Variants in EGFLAM observed in about 807,000 individuals in gnomAD.
EGFLAM encodes pikachurin.
EGFLAM carries 79 observed loss-of-function variants against 113.1 expected under a neutral mutation model. That is an observed-to-expected ratio of 0.70 (90% CI 0.58 to 0.84). The LOEUF is 0.84. EGFLAM is among the 40% of genes least tolerant of loss of function. The probability of loss-of-function intolerance (pLI) is 0.00; values close to 1 mark genes in which losing one functional copy is unlikely to be tolerated. For missense variants in EGFLAM, 1,265 were observed against 1,291.6 expected, an observed-to-expected ratio of 0.98 and a Z score of 0.32; for synonymous variants, 504 against 487.6, an observed-to-expected ratio of 1.03 and a Z score of -0.44.
At chr5:38,325,952 A>T (rs2111908385) in intron 1 of EGFLAM, among the ~76,000 whole-genome samples, 1 of 151,998 alleles carries the variant, frequency 6.6e-6, no homozygotes, top group East Asian at 1.9e-4. Context: ...TATTATGTTT[A>T]CGTATATATT....
intron 17 of EGFLAM, among the ~76,000 whole-genome samples, chr5:38,438,934 G>A (rs1168042560): frequency 1.3e-5 from 2 of 152,208 alleles, no homozygotes; most frequent in Non-Finnish European, 2.9e-5. Flanking sequence ...CCAAACTAAA[G>A]TATGCATAAC....
chr5:38,380,723 A>T (rs1740488529), intron 6 of EGFLAM, among the ~76,000 whole-genome samples: 1 of 152,230 alleles, frequency 6.6e-6, no homozygotes, highest in Non-Finnish European at 1.5e-5. Context: ...GACTCCATGC[A>T]TGTAAATCTG....
intron 1 of EGFLAM, among the ~76,000 whole-genome samples, chr5:38,268,011 C>T (rs1757674528): frequency 6.6e-6 from 1 of 152,138 alleles, no homozygotes; most frequent in South Asian, 2.1e-4. Flanking sequence ...TTTCGAGTGG[C>T]TGAATACAGC....
At chr5:38,311,823 G>A (rs1738452550) in intron 1 of EGFLAM, among the ~76,000 whole-genome samples, 1 of 152,208 alleles carries the variant, frequency 6.6e-6, no homozygotes, top group East Asian at 1.9e-4. Context: ...AATGGTTACA[G>A]GAGGTCCTTG....
intron 6 of EGFLAM, among the ~76,000 whole-genome samples, chr5:38,393,272 A>G (rs1022246670): frequency 6.6e-6 from 1 of 152,226 alleles, no homozygotes; most frequent in Non-Finnish European, 1.5e-5. Context: ...AGAGTCTTTT[A>G]GTGTACTTTA....
At chr5:38,401,370 A>G (rs1390708175) in intron 6 of EGFLAM, 1 of 152,236 alleles carries the variant, frequency 6.6e-6, no homozygotes, top group Non-Finnish European at 1.5e-5. Flanking sequence ...ACATTGAACT[A>G]GAGTCATATT....
intron 10 of EGFLAM, among the ~76,000 whole-genome samples, chr5:38,411,483 C>CTTTTTTTTTTTTTT (rs759299989): frequency 8.8e-6 from 1 of 113,418 alleles, no homozygotes; most frequent in Non-Finnish European, 1.7e-5. Flanking sequence ...TCATTAATTT[C>CTTTTTTTTTTTTTT]TTTTTTTTTT....
chr5:38,417,061 A>C (rs1741664712), intron 11 of EGFLAM, among the ~76,000 whole-genome samples: 1 of 152,136 alleles, frequency 6.6e-6, no homozygotes, highest in African/African-American at 2.4e-5. Context: ...TCATAAAAAA[A>C]AGAATGACCA....
At chr5:38,459,348 T>G (rs967766082) in intron 20 of EGFLAM, among the ~76,000 whole-genome samples, 5 of 152,110 alleles carry the variant, frequency 3.3e-5, no homozygotes, top group South Asian at 2.1e-4. Context: ...AGAACCTGAC[T>G]GTATTTCACT....
chr5:38,443,480 C>T (rs992169597), intron 17 of EGFLAM, among the ~76,000 whole-genome samples: 2 of 152,112 alleles, frequency 1.3e-5, no homozygotes, highest in Admixed American at 6.5e-5. Flanking sequence ...AGTTGAAGGG[C>T]TGCTAGTTTA....
intron 17 of EGFLAM, among the ~76,000 whole-genome samples, chr5:38,445,054 C>T (rs1043158638): frequency 6.6e-6 from 1 of 152,106 alleles, no homozygotes; most frequent in African/African-American, 2.4e-5. Flanking sequence ...GATTATTTGT[C>T]CCTATATATA....
rs755120286 is a variant in EGFLAM at position 38,418,123 on chromosome 5, G to A, written c.1552G>A (p.Ala518Thr). The A allele has an allele frequency of 1.2e-5, 19 of 1,613,974 alleles. No individual in the cohort carries two copies. Among genetic ancestry groups the A allele is most frequent in the East Asian group, 4.5e-5 (2 of 44,890 alleles). ...TPLYLGGAPS[A>T]YWLVRATGTN... Reference sequence around the variant, plus strand: ...TCTCTATCTTGGTGGCGCTCCCAGCGCTTACTGGTTGGTTAGAGCAACAGG... The same window carrying A: ...TCTCTATCTTGGTGGCGCTCCCAGCACTTACTGGTTGGTTAGAGCAACAGG... The change falls in exon 12 of 22, where the codon GCT becomes ACT. Residue 518 changes from alanine to threonine, a missense_variant. Ala to Thr is a moderately conservative substitution (Grantham distance 58). Coordinates refer to ENST00000322350, the MANE Select transcript of EGFLAM (RefSeq NM_152403.4).
chr5:38,274,242 T>G (rs1561258345), intron 1 of EGFLAM, among the ~76,000 whole-genome samples: 1 of 152,116 alleles, frequency 6.6e-6, no homozygotes, highest in Non-Finnish European at 1.5e-5. Flanking sequence ...TCATTGGCAT[T>G]CAAGAGGGAG....
intron 1 of EGFLAM, among the ~76,000 whole-genome samples, chr5:38,334,632 C>A (rs1429996642): frequency 6.6e-6 from 1 of 152,136 alleles, no homozygotes; most frequent in South Asian, 2.1e-4. Context: ...GGATAACAGA[C>A]CTTTATCAGA....
chr5:38,464,041 C>A lies in EGFLAM; in HGVS notation c.*55C>A. ...CCTTCTATTCTGAGAATCCCAGGGGCCCTCAGACCCTGCCTGATGCTATAT... is the reference window on the plus strand; with the variant it reads ...CCTTCTATTCTGAGAATCCCAGGGGACCTCAGACCCTGCCTGATGCTATAT... On this transcript the variant is annotated 3_prime_UTR_variant, in exon 22 of 22. Coordinates refer to ENST00000322350, the MANE Select transcript of EGFLAM (RefSeq NM_152403.4). The A allele has an allele frequency of 1.2e-6, 2 of 1,607,080 alleles. No homozygotes were observed. The highest frequency in any genetic ancestry group is 8.5e-7 in the Non-Finnish European group (1 of 1,175,450).
intron 6 of EGFLAM, chr5:38,403,193 C>A (rs1741171812): frequency 6.6e-6 from 1 of 152,366 alleles, no homozygotes; most frequent in African/African-American, 2.4e-5. Context: ...TACAGTAGTT[C>A]CCTCTCCGCA....
At chr5:38,384,442 G>C (rs538922470) in intron 6 of EGFLAM, among the ~76,000 whole-genome samples, 1 of 152,272 alleles carries the variant, frequency 6.6e-6, no homozygotes, top group African/African-American at 2.4e-5. Context: ...TTCCTCTTGA[G>C]AGCAGTGTGA....
At chr5:38,352,430 C>T in intron 5 of EGFLAM, 99 bp downstream of exon 5, 1 of 1,504,686 alleles carries the variant, frequency 6.6e-7, no homozygotes, top group Non-Finnish European at 9.0e-7. Flanking sequence ...GGGCAGATCA[C>T]AAGGTCAGGA....
chr5:38,370,544 C>G, intron 6 of EGFLAM, 82 bp downstream of exon 6: 1 of 1,484,814 alleles, frequency 6.7e-7, no homozygotes, highest in Non-Finnish European at 9.0e-7. Flanking sequence ...ACCTGGATGC[C>G]GTGCAGAAGG....
Sources: gnomAD v4.1 joint callset for allele counts (sites outside exome capture counted in the v4.1 genomes callset) on GRCh38, gnomAD v4.1.1 for gene constraint, MANE v1.5 for transcripts, NCBI Gene and HGNC (gene_info 2026-07-23, HGNC 2026-07-21) for gene names.